GTF3C1: variants seen among roughly 807,000 people sequenced by gnomAD.
GTF3C1 encodes general transcription factor 3C polypeptide 1.
GTF3C1 carries 57 observed loss-of-function variants against 226.7 expected under a neutral mutation model. That is an observed-to-expected ratio of 0.25 (90% confidence interval 0.20 to 0.31). GTF3C1 has a LOEUF of 0.31. GTF3C1 is among the 10% of genes least tolerant of loss of function. The pLI, the probability that GTF3C1 is intolerant of heterozygous loss-of-function variation, is 1.00. For synonymous variants in GTF3C1, 1,090 were observed against 1,084.8 expected, an observed-to-expected ratio of 1.00 and a Z score of -0.09; for missense variants, 2,217 against 2,776.1, an observed-to-expected ratio of 0.80 and a Z score of 4.53.
In GTF3C1 at chr16:27,492,104, G is replaced by A. The variant is rs2088241489; in HGVS notation, c.3151+234C>T. ...AATACCTACTCAATGAACAAATGAA[G>A]ACAAAGTGCAGCTACTTGGGCTCAA... On this transcript the variant is annotated intron_variant, in intron 19 of 36. Coordinates refer to ENST00000356183, the MANE Select transcript of GTF3C1 (RefSeq NM_001520.4). The surrounding 1 kb of genome is among the most constrained non-coding windows in gnomAD (Gnocchi z 5.0). 6.6e-6 allele frequency among the ~76,000 whole-genome samples: 1 copy of A among 152,142 alleles called. No individual in the cohort carries two copies. Among genetic ancestry groups the A allele is most frequent in the South Asian group, 2.1e-4 (1 of 4,826 alleles).
intron 5 of GTF3C1, among the ~76,000 whole-genome samples, chr16:27,531,112 T>C (rs2088910265): frequency 6.6e-6 from 1 of 152,180 alleles, no homozygotes; most frequent in Non-Finnish European, 1.5e-5. Context: ...CCCGAGTAGC[T>C]GGACTGGTGC....
chr16:27,510,467 G>C (rs147989108), intron 7 of GTF3C1, among the ~76,000 whole-genome samples: 1 of 152,092 alleles, frequency 6.6e-6, no homozygotes, highest in South Asian at 2.1e-4. Flanking sequence ...TGAGGCAGGA[G>C]AATCACTTGA....
At chr16:27,538,377 C>A in intron 2 of GTF3C1, 21 bp from the exon 3 acceptor site, 1 of 1,464,058 alleles carries the variant, frequency 6.8e-7, no homozygotes, top group Non-Finnish European at 9.2e-7. Context: ...GAAACAATCG[C>A]ATGAAGAAAT....
At chr16:27,524,182 A>G (rs1019524577) in intron 6 of GTF3C1, among the ~76,000 whole-genome samples, 1 of 152,222 alleles carries the variant, frequency 6.6e-6, no homozygotes, top group Non-Finnish European at 1.5e-5. Context: ...GGGGAAGGTG[A>G]GCCCCTCCGA....
At chr16:27,514,129 C>T (rs1349929234) in intron 6 of GTF3C1, among the ~76,000 whole-genome samples, 1 of 152,210 alleles carries the variant, frequency 6.6e-6, no homozygotes, top group Admixed American at 6.5e-5. Context: ...GGTCCCCAGG[C>T]ACCAACCTTG....
At chr16:27,496,158 C>G (rs181486855) in intron 14 of GTF3C1, among the ~76,000 whole-genome samples, 2 of 151,994 alleles carry the variant, frequency 1.3e-5, no homozygotes, top group East Asian at 3.9e-4. Context: ...GATGTGCCTG[C>G]CCCCCTTCAC....
chr16:27,509,090 T>C (rs1232977766), intron 7 of GTF3C1, among the ~76,000 whole-genome samples: 2 of 152,236 alleles, frequency 1.3e-5, no homozygotes, highest in Admixed American at 1.3e-4. Flanking sequence ...GTATTCTTCA[T>C]TTCCCAGTAT....
At chr16:27,504,075 C>T (rs373799890) in intron 10 of GTF3C1, among the ~76,000 whole-genome samples, 3 of 152,216 alleles carry the variant, frequency 2.0e-5, no homozygotes, top group South Asian at 2.1e-4. Flanking sequence ...GGGAAAACCA[C>T]GTGAGTGAAT....
At chr16:27,521,083 C>A (rs2088741358) in intron 6 of GTF3C1, among the ~76,000 whole-genome samples, 1 of 152,222 alleles carries the variant, frequency 6.6e-6, no homozygotes, top group African/African-American at 2.4e-5. Flanking sequence ...GCAGTGCTAA[C>A]AGCAGCAGCG....
intron 13 of GTF3C1, 65 bp from the exon 14 acceptor site, chr16:27,497,886 T>A: frequency 7.5e-7 from 1 of 1,332,746 alleles, no homozygotes; most frequent in South Asian, 1.3e-5. Context: ...AAGGACAGAG[T>A]CTGTCTGCAT....
intron 14 of GTF3C1, among the ~76,000 whole-genome samples, chr16:27,496,858 C>T (rs2088326836): frequency 6.6e-6 from 1 of 152,262 alleles, no homozygotes; most frequent in Non-Finnish European, 1.5e-5. Flanking sequence ...AACACCCGCG[C>T]TGCCCCTGGT....
At chr16:27,527,316 G>C (rs1244616168) in intron 6 of GTF3C1, among the ~76,000 whole-genome samples, 1 of 152,162 alleles carries the variant, frequency 6.6e-6, no homozygotes, top group Non-Finnish European at 1.5e-5. Context: ...TGAGTAGCTG[G>C]GATTACAGGC....
rs1012836424 is a variant in GTF3C1 at position 27,461,712 on chromosome 16, T to A, written c.6118-150A>T. ...GAACTGGGCATGAGGCAGATGGGGA[T>A]GTACCAGGAGGGTTCAGGCAAAGGC... On this transcript the variant is annotated intron_variant, in intron 36 of 36. Coordinates refer to ENST00000356183, the MANE Select transcript of GTF3C1 (RefSeq NM_001520.4). The surrounding 1 kb of genome is among the most constrained non-coding windows in gnomAD (Gnocchi z 5.3). 7 of 642,248 alleles carry A rather than the reference T, an allele frequency of 1.1e-5. No homozygotes were observed. Among genetic ancestry groups the A allele is most frequent in the Non-Finnish European group, 1.9e-5 (7 of 361,984 alleles). 39.8% of individuals were successfully genotyped at this position (642,248 alleles called of 1,614,324 possible). A position where few individuals can be genotyped will look rare whatever the true frequency, so the allele number is the denominator to read the frequency against.
rs1387907526 is a variant in GTF3C1, at chr16:27,464,769, G to A, written c.5423C>T (p.Ser1808Phe). The change falls in exon 34 of 37, where the codon TCT becomes TTT. Residue 1808 changes from serine to phenylalanine, a missense_variant. Ser to Phe is a radical substitution (Grantham distance 155). Transcript: ENST00000356183. The part of the protein sequence containing the change: ...GNTARLVAMG[S>F]AWPWLLHSVR... ...GGAGTGCAGGAGCCAAGGCCAGGCA[G>A]AGCCCATGGCTACCAGGCGCGCAGT... 2 of 1,566,428 alleles carry A rather than the reference G, an allele frequency of 1.3e-6. No homozygotes were observed. The highest frequency in any genetic ancestry group is 2.2e-5 in the East Asian group (1 of 44,482).
chr16:27,506,821 C>G, intron 9 of GTF3C1, 26 bp downstream of exon 9: 1 of 1,556,602 alleles, frequency 6.4e-7, no homozygotes, highest in Non-Finnish European at 8.7e-7. Flanking sequence ...TGCACGCAGC[C>G]CCTGCCCACC....
At chr16:27,530,679 G>A (rs757107045) in intron 5 of GTF3C1, among the ~76,000 whole-genome samples, 1 of 152,180 alleles carries the variant, frequency 6.6e-6, no homozygotes, top group East Asian at 1.9e-4. Context: ...GATTTGTCCT[G>A]TGCCTCCTCC....
rs554206233 is a variant in GTF3C1, at chr16:27,542,721, C to T, written c.431+2593G>A. On this transcript the variant is annotated intron_variant, in intron 2 of 36. Transcript: ENST00000356183. ...TCCTTCTCTTGGGAATGGATTAGCT[C>T]CGGTGAGAGTGGGTTGATGTAAAGC... 2.4e-4 allele frequency among the ~76,000 whole-genome samples: 36 copies of T among 152,232 alleles called. 2 individuals are homozygous for T. In the South Asian group the frequency reaches 7.5e-3, roughly 32 times the overall value.
In GTF3C1 at chr16:27,469,814, C is replaced by T. The variant is rs527336290; in HGVS notation, c.4815-264G>A. On this transcript the variant is annotated intron_variant, in intron 31 of 36. Transcript: ENST00000356183. This position sits in a 1 kb window ranked among gnomAD's most constrained non-coding sequence, Gnocchi z 4.5. ...TGCCCGTCTCTCAGCCCAGAAAACA[C>T]CCATTTCCCCAGGAAGCCCCAGTTC... is the stretch of plus-strand genomic sequence containing the variant. Among the ~76,000 whole-genome samples the T allele has an allele frequency of 6.6e-6, 1 of 152,308 alleles. No individual in the cohort carries two copies. The highest frequency in any genetic ancestry group is 2.4e-5 in the African/African-American group (1 of 41,546).
intron 1 of GTF3C1, among the ~76,000 whole-genome samples, chr16:27,545,834 C>T (rs1380707845): frequency 2.0e-5 from 3 of 152,104 alleles, no homozygotes; most frequent in South Asian, 2.1e-4. Flanking sequence ...CCAAGTTGGA[C>T]GAAATGATTC....
Sources: allele counts gnomAD v4.1 joint callset (sites outside exome capture counted in the v4.1 genomes callset), GRCh38; gene constraint gnomAD v4.1.1; non-coding constraint Gnocchi (gnomAD v3.1); transcripts MANE v1.5; gene names NCBI Gene and HGNC (gene_info 2026-07-23, HGNC 2026-07-21).